Variants in SV2B observed in about 807,000 individuals in gnomAD.
SV2B encodes solute carrier family 22 member B2.
A neutral mutation model predicts 73.9 loss-of-function variants in SV2B; 41 were observed. That is an observed-to-expected ratio of 0.56 (90% CI 0.43 to 0.72). SV2B has a LOEUF of 0.72. Among genes scored for constraint, SV2B ranks in the 30% least tolerant of loss-of-function variants. The pLI is 0.00. For synonymous variants in SV2B, 314 were observed against 314.2 expected, an observed-to-expected ratio of 1.00 and a Z score of 0.01; for missense variants, 764 against 857.8, an observed-to-expected ratio of 0.89 and a Z score of 1.37.
In SV2B at chr15:91,240,965, G is replaced by A. The variant is rs1032652026; in HGVS notation, c.452-10854G>A. On this transcript the variant is annotated intron_variant, in intron 2 of 12. Coordinates refer to ENST00000394232, the MANE Select transcript of SV2B (RefSeq NM_001323032.3). The surrounding 1 kb of genome is among the most constrained non-coding windows in gnomAD (Gnocchi z 4.6). ...CTCCTCACTAAAAGATCTCATATTC[G>A]AATCTCTTGTCATCAGAGAGCATCA... Among the ~76,000 whole-genome samples, 1 of 152,030 alleles carries A rather than the reference G, an allele frequency of 6.6e-6. No individual in the cohort carries two copies. Among genetic ancestry groups the A allele is most frequent in the South Asian group, 2.1e-4 (1 of 4,824 alleles).
chr15:91,154,150 A>G (rs1314124428), intron 1 of SV2B, among the ~76,000 whole-genome samples: 1 of 147,944 alleles, frequency 6.8e-6, no homozygotes, highest in Non-Finnish European at 1.5e-5. Flanking sequence ...ATTAATTTAT[A>G]TTATAAAATT....
chr15:91,207,359 A>C (rs752033038), intron 1 of SV2B, among the ~76,000 whole-genome samples: 30 of 152,074 alleles, frequency 2.0e-4, no homozygotes, highest in Admixed American at 1.4e-3. Flanking sequence ...ATATCTAAAA[A>C]GGTGGGACTG....
intron 1 of SV2B, among the ~76,000 whole-genome samples, chr15:91,149,462 C>T (rs1344718539): frequency 1.3e-5 from 2 of 152,204 alleles, no homozygotes; most frequent in Non-Finnish European, 2.9e-5. Flanking sequence ...AGGACTTTAT[C>T]TCAGAAGAGA....
chr15:91,146,681 T>G (rs1044084728), intron 1 of SV2B, among the ~76,000 whole-genome samples: 1 of 152,212 alleles, frequency 6.6e-6, no homozygotes, highest in Non-Finnish European at 1.5e-5. Context: ...AGGTATATTT[T>G]ATTTTTTTGA....
At position 91,294,186 on chromosome 15, in the gene SV2B, T is replaced by A. The variant is rs1459343398; in HGVS notation, c.*1634T>A. 6.6e-6 allele frequency: 1 copy of A among 152,206 alleles called. No individual in the cohort carries two copies. The highest frequency in any genetic ancestry group is 1.9e-4 in the East Asian group (1 of 5,190). 9.4% of individuals were successfully genotyped at this position (152,206 alleles called of 1,614,324 possible). On this transcript the variant is annotated 3_prime_UTR_variant, in exon 13 of 13. Coordinates refer to ENST00000394232, the MANE Select transcript of SV2B (RefSeq NM_001323032.3). This position sits in a 1 kb window ranked among gnomAD's most constrained non-coding sequence, Gnocchi z 4.1. The stretch of plus-strand genomic sequence containing the variant: ...CCAAAAATTTAAAACAGAATAATAA[T>A]GGCTATATCGAGTGTTTTCTCAGTA...
chr15:91,154,649 C>A (rs932380532), intron 1 of SV2B, among the ~76,000 whole-genome samples: 2 of 151,990 alleles, frequency 1.3e-5, no homozygotes, highest in Non-Finnish European at 2.9e-5. Context: ...TGACTGGTGT[C>A]CTTATAAGAA....
At position 91,278,700 on chromosome 15, in the gene SV2B, G is replaced by A. The variant is rs200615815; in HGVS notation, c.1374-3028G>A. Reference sequence around the variant, plus strand: ...TCTCAAAAAAAAAAAAAAAAAAAAAGAAGTTACACAGATATTCAGGCAAGA... The same window carrying A: ...TCTCAAAAAAAAAAAAAAAAAAAAAAAAGTTACACAGATATTCAGGCAAGA... On this transcript the variant is annotated intron_variant, in intron 9 of 12. Coordinates refer to ENST00000394232, the MANE Select transcript of SV2B (RefSeq NM_001323032.3). Among the ~76,000 whole-genome samples, 909 of 127,854 alleles carry A rather than the reference G, an allele frequency of 7.1e-3. 2 individuals carry two copies. Among genetic ancestry groups the A allele is most frequent in the Middle Eastern group, 0.016 (4 of 244 alleles). 83.9% of individuals were successfully genotyped at this position (127,854 alleles called of 152,430 possible). A position where few individuals can be genotyped will look rare whatever the true frequency, so the allele number is the denominator to read the frequency against.
intron 1 of SV2B, among the ~76,000 whole-genome samples, chr15:91,180,896 CAA>C (rs1357329666): frequency 6.6e-6 from 1 of 152,254 alleles, no homozygotes; most frequent in Non-Finnish European, 1.5e-5. Flanking sequence ...CTCAACTCGT[CAA>C]AGTCTTTCTC....
In SV2B at chr15:91,100,976, G is replaced by T. The variant is rs1043873789; in HGVS notation, c.-392+613G>T. Among the ~76,000 whole-genome samples the T allele has an allele frequency of 6.6e-6, 1 of 152,360 alleles. No individual in the cohort carries two copies. Among genetic ancestry groups the T allele is most frequent in the South Asian group, 2.1e-4 (1 of 4,828 alleles). ...AGCAAATGCGTTTAGCCAGGGAGGA[G>T]CAAGGCACCGCTGTGTCTTCGGCAG... On this transcript the variant is annotated intron_variant, in intron 1 of 12. Transcript: ENST00000394232. This position sits in a 1 kb window ranked among gnomAD's most constrained non-coding sequence, Gnocchi z 6.4.
At position 91,226,187 on chromosome 15, in the gene SV2B, A is replaced by G. The variant is rs1164081454; in HGVS notation, c.-77A>G. ...TTGAACTACATAATGAATGATGGTT[A>G]TTGAAATAGCCCAAACCTCTACCAC... is the stretch of plus-strand genomic sequence containing the variant. On this transcript the variant is annotated 5_prime_UTR_variant, in exon 2 of 13. Transcript: ENST00000394232. 20 of 1,391,100 alleles carry G rather than the reference A, an allele frequency of 1.4e-5. No homozygotes were observed. Among genetic ancestry groups the G allele is most frequent in the Non-Finnish European group, 1.9e-5 (19 of 1,003,228 alleles). 86.2% of individuals were successfully genotyped at this position (1,391,100 alleles called of 1,614,324 possible).
intron 1 of SV2B, among the ~76,000 whole-genome samples, chr15:91,157,674 G>A (rs2043539164): frequency 6.6e-6 from 1 of 152,192 alleles, no homozygotes; most frequent in Non-Finnish European, 1.5e-5. Context: ...CTGAGGCATA[G>A]GGAGGTTAAT....
chr15:91,270,033 C>T (rs1049322948), intron 9 of SV2B, among the ~76,000 whole-genome samples: 2 of 152,110 alleles, frequency 1.3e-5, no homozygotes, highest in Admixed American at 6.5e-5. Flanking sequence ...GTCAGGAGGT[C>T]TTGTGTTGAC....
In SV2B at chr15:91,115,102, G is replaced by A. The variant is rs564949215; in HGVS notation, c.-392+14739G>A. On this transcript the variant is annotated intron_variant, in intron 1 of 12. Coordinates refer to ENST00000394232, the MANE Select transcript of SV2B (RefSeq NM_001323032.3). This position sits in a 1 kb window ranked among gnomAD's most constrained non-coding sequence, Gnocchi z 4.3. ...TGGAGAGTTGTTACTGAAAGAAGGG[G>A]ACATAGGTCCTGAGCAGGCAAAGCC... is the stretch of plus-strand genomic sequence containing the variant. 2.6e-5 allele frequency among the ~76,000 whole-genome samples: 4 copies of A among 152,328 alleles called. No homozygotes were observed. The East Asian group carries it at 7.7e-4, about 29-fold the overall frequency.
chr15:91,206,201 C>CTTT lies in SV2B; in HGVS notation c.-391-19652_-391-19650dup, dbSNP rs538615675. Among the ~76,000 whole-genome samples, 215 of 101,896 alleles carry CTTT rather than the reference C, an allele frequency of 2.1e-3. 7 individuals are homozygous for CTTT. Among genetic ancestry groups the CTTT allele is most frequent in the African/African-American group, 7.9e-3 (196 of 24,958 alleles). The allele number at this position is 101,896 out of a possible 152,430, so 66.8% of individuals were successfully genotyped here. On this transcript the variant is annotated intron_variant, in intron 1 of 12. Coordinates refer to ENST00000394232, the MANE Select transcript of SV2B (RefSeq NM_001323032.3). Reference sequence around the variant, plus strand: ...TACAGGCACATGCCACCATGCCTGGCTTTTTTTTTTTTTTTTTTTTTTCAG... The same window carrying CTTT: ...TACAGGCACATGCCACCATGCCTGGCTTTTTTTTTTTTTTTTTTTTTTTTTCAG...
At chr15:91,126,505 G>A (rs1483873489) in intron 1 of SV2B, among the ~76,000 whole-genome samples, 1 of 152,226 alleles carries the variant, frequency 6.6e-6, no homozygotes, top group Non-Finnish European at 1.5e-5. Context: ...TAGGGTAAGA[G>A]TCAGACCCTG....
intron 1 of SV2B, among the ~76,000 whole-genome samples, chr15:91,157,266 T>G (rs979049792): frequency 2.0e-5 from 3 of 152,190 alleles, no homozygotes; most frequent in African/African-American, 7.2e-5. Context: ...GGTTTCTGTC[T>G]TAGATAATCT....
In SV2B at chr15:91,281,896, A is replaced by G; in HGVS notation, c.1507+35A>G. ...AACATTGACAGATTGAATAGAAAGT[A>G]ACAGGAGACAACTTGTGTTGTCCAA... On this transcript the variant is annotated intron_variant, in intron 10 of 12. Transcript: ENST00000394232. The surrounding 1 kb of genome is among the most constrained non-coding windows in gnomAD (Gnocchi z 4.7). 6.4e-7 allele frequency: 1 copy of G among 1,567,444 alleles called. No individual in the cohort carries two copies. The highest frequency in any genetic ancestry group is 8.7e-7 in the Non-Finnish European group (1 of 1,150,944).
rs2048966923 is a variant in SV2B at position 91,289,407 on chromosome 15, G to A, written c.1709-114G>A. 7.4e-7 allele frequency: 1 copy of A among 1,348,988 alleles called. No individual in the cohort carries two copies. Among genetic ancestry groups the A allele is most frequent in the Non-Finnish European group, 1.1e-6 (1 of 947,052 alleles). The allele number at this position is 1,348,988 out of a possible 1,614,324, so 83.6% of individuals were successfully genotyped here. A position where few individuals can be genotyped will look rare whatever the true frequency, so the allele number is the denominator to read the frequency against. ...GAGGGTGAACCTAATACTTCAGGCA[G>A]CCTTGGCTTCAGGTGTACCAGTGAG... On this transcript the variant is annotated intron_variant, in intron 11 of 12. Coordinates refer to ENST00000394232, the MANE Select transcript of SV2B (RefSeq NM_001323032.3). This position sits in a 1 kb window ranked among gnomAD's most constrained non-coding sequence, Gnocchi z 4.9.
chr15:91,172,454 C>A (rs1414462027), intron 1 of SV2B, among the ~76,000 whole-genome samples: 1 of 152,228 alleles, frequency 6.6e-6, no homozygotes, highest in Non-Finnish European at 1.5e-5. Context: ...AACCCATCCC[C>A]TCCCTGGATA....
Sources: gnomAD v4.1 joint callset for allele counts (sites outside exome capture counted in the v4.1 genomes callset) on GRCh38, gnomAD v4.1.1 for gene constraint, Gnocchi (gnomAD v3.1) non-coding constraint, MANE v1.5 for transcripts, NCBI Gene and HGNC (gene_info 2026-07-23, HGNC 2026-07-21) for gene names.